CTNNA3: variants seen among roughly 807,000 people sequenced by gnomAD.
CTNNA3 encodes catenin alpha 3.
In CTNNA3, 76 loss-of-function variants were observed where a neutral mutation model predicts 95.7. The observed-to-expected ratio is 0.79, with a 90% confidence interval of 0.66 to 0.96. The LOEUF (loss-of-function observed/expected upper bound fraction) is 0.96. Among genes scored for constraint, CTNNA3 ranks in the 40% least tolerant of loss-of-function variants. The probability of loss-of-function intolerance (pLI) is 0.00; values close to 1 mark genes in which losing one functional copy is unlikely to be tolerated. For synonymous variants in CTNNA3, 431 were observed against 374.4 expected, an observed-to-expected ratio of 1.15 and a Z score of -1.74; for missense variants, 1,191 against 1,089.8, an observed-to-expected ratio of 1.09 and a Z score of -1.31.
intron 12 of CTNNA3, among the ~76,000 whole-genome samples, chr10:66,334,743 G>A (rs1479917872): frequency 1.3e-5 from 2 of 151,894 alleles, no homozygotes; most frequent in Non-Finnish European, 2.9e-5. Flanking sequence ...GTATCTTTGT[G>A]GCATTCTCTG....
chr10:66,432,683 C>A (rs2093307240), intron 11 of CTNNA3, among the ~76,000 whole-genome samples: 1 of 142,300 alleles, frequency 7.0e-6, no homozygotes, highest in South Asian at 2.3e-4. Context: ...AAAAAAAGTT[C>A]TGGTATACAT....
chr10:66,049,481 T>C (rs2079903374), intron 15 of CTNNA3, among the ~76,000 whole-genome samples: 1 of 152,122 alleles, frequency 6.6e-6, no homozygotes, highest in African/African-American at 2.4e-5. Context: ...TAAAGACACA[T>C]GCACACAAAT....
At chr10:66,147,349 A>G (rs1255558858) in intron 13 of CTNNA3, among the ~76,000 whole-genome samples, 1 of 152,144 alleles carries the variant, frequency 6.6e-6, no homozygotes. Flanking sequence ...TGTTTGTAAC[A>G]AAAGTTGCAA....
chr10:66,512,989 T>C (rs1001287030), intron 11 of CTNNA3, among the ~76,000 whole-genome samples: 5 of 152,162 alleles, frequency 3.3e-5, no homozygotes, highest in Non-Finnish European at 2.9e-5. Context: ...ATAGAAGACC[T>C]TTTTGGATTT....
At chr10:67,684,048 T>C (rs1316061603) in intron 1 of CTNNA3, among the ~76,000 whole-genome samples, 7 of 152,230 alleles carry the variant, frequency 4.6e-5, no homozygotes, top group Admixed American at 2.0e-4. Flanking sequence ...GAAGGGGACC[T>C]GAGCGGGTTG....
intron 7 of CTNNA3, among the ~76,000 whole-genome samples, chr10:66,821,200 G>A (rs1027322004): frequency 2.0e-5 from 3 of 152,104 alleles, no homozygotes; most frequent in Non-Finnish European, 4.4e-5. Flanking sequence ...GAAAAAAATT[G>A]TAATTAGATA....
At chr10:66,978,313 G>A (rs1157427714) in intron 7 of CTNNA3, among the ~76,000 whole-genome samples, 2 of 151,634 alleles carry the variant, frequency 1.3e-5, no homozygotes, top group African/African-American at 4.8e-5. Context: ...ATTACTTGAG[G>A]TCAGGAGTTC....
chr10:67,026,024 C>T (rs1286352105), intron 7 of CTNNA3, among the ~76,000 whole-genome samples: 3 of 150,136 alleles, frequency 2.0e-5, no homozygotes, highest in Admixed American at 1.3e-4. Flanking sequence ...AACCAAACAC[C>T]GCATGTTCTC....
intron 7 of CTNNA3, among the ~76,000 whole-genome samples, chr10:67,076,258 C>A (rs1034820583): frequency 3.9e-5 from 6 of 152,230 alleles, no homozygotes; most frequent in African/African-American, 1.4e-4. Flanking sequence ...AGGATTAATG[C>A]TAACTTTTCA....
In CTNNA3 at chr10:67,576,642, G is replaced by C. The variant is rs1842158736; in HGVS notation, c.292+30215C>G. ...ATATGTATACATGTGCCATGCTGGT[G>C]TGCTGCACCCATTAACTTGTCATTT... On this transcript the variant is annotated intron_variant, in intron 3 of 17. Coordinates refer to ENST00000433211, the MANE Select transcript of CTNNA3 (RefSeq NM_013266.4). Among the ~76,000 whole-genome samples the C allele has an allele frequency of 1.4e-5, 2 of 145,746 alleles. 1 individual carries two copies. Among genetic ancestry groups the C allele is most frequent in the South Asian group, 4.6e-4 (2 of 4,362 alleles).
rs368187980 is a variant in CTNNA3, at chr10:66,260,268, A to G, written c.1884+20202T>C. On this transcript the variant is annotated intron_variant, in intron 13 of 17. Coordinates refer to ENST00000433211, the MANE Select transcript of CTNNA3 (RefSeq NM_013266.4). ...TGTCTCTCAGGCTCATTCAAATTCC[A>G]TGGAGAAATATCTTAAAGTTAATCA... is the stretch of plus-strand genomic sequence containing the variant. Among the ~76,000 whole-genome samples the G allele has an allele frequency of 9.2e-5, 14 of 152,276 alleles. No individual in the cohort carries two copies. In the South Asian group the frequency reaches 1.7e-3, roughly 18 times the overall value.
intron 7 of CTNNA3, among the ~76,000 whole-genome samples, chr10:66,966,971 G>C (rs1318605346): frequency 2.6e-5 from 4 of 151,860 alleles, no homozygotes; most frequent in Admixed American, 2.6e-4. Context: ...GGATATCATG[G>C]CCTATCTTAC....
chr10:67,008,838 T>C (rs1285175353), intron 7 of CTNNA3, among the ~76,000 whole-genome samples: 1 of 152,180 alleles, frequency 6.6e-6, no homozygotes, highest in Non-Finnish European at 1.5e-5. Flanking sequence ...GTTTACCTTA[T>C]TGTTTTTCAG....
chr10:66,211,376 G>A (rs2088143147), intron 13 of CTNNA3, among the ~76,000 whole-genome samples: 1 of 152,164 alleles, frequency 6.6e-6, no homozygotes, highest in African/African-American at 2.4e-5. Context: ...CAGCATCCTT[G>A]AAGCAATTAT....
intron 10 of CTNNA3, among the ~76,000 whole-genome samples, chr10:66,617,607 C>A (rs370368990): frequency 3.3e-5 from 5 of 152,096 alleles, no homozygotes; most frequent in African/African-American, 1.2e-4. Context: ...CAATATCATA[C>A]TGAATGGGCA....
intron 12 of CTNNA3, among the ~76,000 whole-genome samples, chr10:66,356,122 G>GTTTTTTTTT (rs59366031): frequency 1.2e-4 from 14 of 117,210 alleles, no homozygotes; most frequent in African/African-American, 3.2e-4. Flanking sequence ...TGCTTGTTTT[G>GTTTTTTTTT]TTTTTTTTTT....
At chr10:67,062,280 T>C (rs1353921898) in intron 7 of CTNNA3, among the ~76,000 whole-genome samples, 1 of 152,198 alleles carries the variant, frequency 6.6e-6, no homozygotes, top group Non-Finnish European at 1.5e-5. Flanking sequence ...TTGTAACTTA[T>C]AGCATATAAG....
At chr10:66,566,672 T>C (rs1335949504) in intron 10 of CTNNA3, among the ~76,000 whole-genome samples, 2 of 152,068 alleles carry the variant, frequency 1.3e-5, no homozygotes, top group Non-Finnish European at 2.9e-5. Context: ...GTCCTCTTCA[T>C]GCTCCAAGAG....
At chr10:67,134,922 C>T (rs1326132539) in intron 7 of CTNNA3, among the ~76,000 whole-genome samples, 1 of 152,080 alleles carries the variant, frequency 6.6e-6, no homozygotes, top group Non-Finnish European at 1.5e-5. Context: ...TGATTGCCCA[C>T]TACCACCGCT....
Sources: gnomAD v4.1 joint callset for allele counts (sites outside exome capture counted in the v4.1 genomes callset) on GRCh38, gnomAD v4.1.1 for gene constraint, MANE v1.5 for transcripts, NCBI Gene and HGNC (gene_info 2026-07-23, HGNC 2026-07-21) for gene names.